The following SLC27A2 variants were observed in gnomAD, a reference collection of about 807,000 sequenced individuals.
SLC27A2 encodes the protein solute carrier family 27 member 2.
In SLC27A2, 54 loss-of-function variants were observed where a neutral mutation model predicts 60.0. The observed-to-expected ratio is 0.90, with a 90% CI of 0.72 to 1.13. The LOEUF is 1.13. Ranked by LOEUF, SLC27A2 falls within the 50% of genes most tolerant of loss-of-function variation. SLC27A2 has a pLI of 0.00. For synonymous variants in SLC27A2, 297 were observed against 297.6 expected, an observed-to-expected ratio of 1.00 and a Z score of 0.02; for missense variants, 739 against 777.6, an observed-to-expected ratio of 0.95 and a Z score of 0.59.
chr15:50,208,057 T>C (rs1435764526), intron 4 of SLC27A2, among the ~76,000 whole-genome samples: 2 of 152,080 alleles, frequency 1.3e-5, no homozygotes, highest in Non-Finnish European at 2.9e-5. Flanking sequence ...GAATACGCTG[T>C]TGCTGGAGGG....
At chr15:50,195,905 A>C (rs1016592640) in intron 1 of SLC27A2, among the ~76,000 whole-genome samples, 3 of 149,416 alleles carry the variant, frequency 2.0e-5, no homozygotes, top group Non-Finnish European at 4.5e-5. Flanking sequence ...AATACAAAAA[A>C]TTAACTGGGC....
intron 1 of SLC27A2, among the ~76,000 whole-genome samples, chr15:50,195,191 G>A (rs1217658658): frequency 1.3e-5 from 2 of 152,056 alleles, no homozygotes; most frequent in Non-Finnish European, 2.9e-5. Context: ...GGTGGGCCAG[G>A]TGCTGTAGCT....
chr15:50,189,420 A>C (rs1163385679), intron 1 of SLC27A2, among the ~76,000 whole-genome samples: 1 of 152,130 alleles, frequency 6.6e-6, no homozygotes, highest in Non-Finnish European at 1.5e-5. Flanking sequence ...ACCCTGTACA[A>C]GGACAGAAAC....
intron 4 of SLC27A2, among the ~76,000 whole-genome samples, chr15:50,206,657 G>A (rs2045115294): frequency 6.6e-6 from 1 of 152,160 alleles, no homozygotes; most frequent in South Asian, 2.1e-4. Flanking sequence ...AAAGGTTTAT[G>A]TGATTATTGT....
intron 4 of SLC27A2, among the ~76,000 whole-genome samples, chr15:50,219,355 A>T (rs1340605372): frequency 6.6e-6 from 1 of 152,204 alleles, no homozygotes; most frequent in Non-Finnish European, 1.5e-5. Context: ...AGCATTGTTC[A>T]CTTAAGGGTC....
chr15:50,234,184 G>T (rs8039502), intron 9 of SLC27A2, among the ~76,000 whole-genome samples, 186 bp downstream of exon 9: 22,081 of 152,192 alleles, frequency 0.15, 1,656 homozygotes, highest in Middle Eastern at 0.18. Flanking sequence ...GGTGGCTCAT[G>T]CCTGTAATCC....
At chr15:50,202,742 G>A (rs2045075285) in intron 3 of SLC27A2, 97 bp downstream of exon 3, 19 of 1,262,236 alleles carry the variant, frequency 1.5e-5, no homozygotes, top group Non-Finnish European at 2.0e-5. Context: ...TGTCTGCTAG[G>A]AACAGTTTTC....
intron 4 of SLC27A2, among the ~76,000 whole-genome samples, chr15:50,218,430 C>A (rs1282164644): frequency 6.6e-6 from 1 of 151,970 alleles, no homozygotes; most frequent in African/African-American, 2.4e-5. Context: ...AGGAAAACAT[C>A]CGAGGGCTGG....
At chr15:50,183,994 C>CTTTTTTTT (rs577766814) in intron 1 of SLC27A2, among the ~76,000 whole-genome samples, 20,826 of 89,914 alleles carry the variant, frequency 0.23, 4,845 homozygotes, top group East Asian at 0.51. Context: ...TTTCCTACAT[C>CTTTTTTTT]TTTTTTTTTT....
At chr15:50,192,849 T>C (rs932119889) in intron 1 of SLC27A2, among the ~76,000 whole-genome samples, 2 of 151,004 alleles carry the variant, frequency 1.3e-5, no homozygotes, top group African/African-American at 4.9e-5. Flanking sequence ...CCTACCATTT[T>C]CCCCTCATTA....
chr15:50,217,822 G>A (rs2045210395), intron 4 of SLC27A2, among the ~76,000 whole-genome samples: 1 of 152,126 alleles, frequency 6.6e-6, no homozygotes. Flanking sequence ...TTGGGAGGCT[G>A]AGGTGGGCGG....
intron 4 of SLC27A2, among the ~76,000 whole-genome samples, chr15:50,210,798 C>G (rs1279320704): frequency 2.6e-5 from 4 of 152,200 alleles, no homozygotes; most frequent in Admixed American, 2.6e-4. Context: ...GTTGAGGGGG[C>G]ACGGTGGGAG....
Position 50,182,491 on chromosome 15 carries a change from TG to T in SLC27A2, c.65del (p.Cys22SerfsTer9). On this transcript the variant is annotated frameshift_variant, in exon 1 of 10. Coordinates refer to ENST00000267842, the MANE Select transcript of SLC27A2 (RefSeq NM_003645.4). LOFTEE classifies it high-confidence loss of function. The stretch of plus-strand genomic sequence containing the variant: ...GTTCCTGCCGCTCCTGGTGAACCTC[TG>T]CTGCCCATACTTCTTCCAGGACATA... ...LLFLPLLVNLCCPYFFQDIGY... is the reference protein window; with the variant it reads ...LLFLPLLVNLXCPYFFQDIGY... 6.2e-7 allele frequency: 1 copy of T among 1,611,272 alleles called. No individual in the cohort carries two copies. Among genetic ancestry groups the T allele is most frequent in the Non-Finnish European group, 8.5e-7 (1 of 1,178,896 alleles).
At chr15:50,192,269 C>G (rs74014933) in intron 1 of SLC27A2, among the ~76,000 whole-genome samples, 7,920 of 151,850 alleles carry the variant, frequency 0.052, 369 homozygotes, top group African/African-American at 0.13. Flanking sequence ...CCGCTGGAAA[C>G]TCAAGTCTGC....
intron 4 of SLC27A2, among the ~76,000 whole-genome samples, chr15:50,210,361 G>A (rs1000949038): frequency 1.1e-4 from 16 of 152,150 alleles, no homozygotes; most frequent in African/African-American, 3.6e-4. Flanking sequence ...CTCATCTCCC[G>A]AACACATACT....
chr15:50,227,657 A>G (rs2045287510), intron 7 of SLC27A2, among the ~76,000 whole-genome samples: 2 of 152,208 alleles, frequency 1.3e-5, no homozygotes, highest in African/African-American at 2.4e-5. Flanking sequence ...AGCACAAGGA[A>G]GTTTGGAAGT....
chr15:50,194,292 T>C (rs1246844025), intron 1 of SLC27A2, among the ~76,000 whole-genome samples: 3 of 152,122 alleles, frequency 2.0e-5, no homozygotes, highest in African/African-American at 7.2e-5. Flanking sequence ...CTACCTACAC[T>C]GAGTCTTGAA....
chr15:50,208,578 C>G (rs573648582), intron 4 of SLC27A2, among the ~76,000 whole-genome samples: 1 of 152,214 alleles, frequency 6.6e-6, no homozygotes, highest in East Asian at 1.9e-4. Flanking sequence ...ACTTTCCATG[C>G]CTAACAGTGT....
intron 3 of SLC27A2, among the ~76,000 whole-genome samples, chr15:50,204,449 C>G (rs913885071): frequency 6.7e-6 from 1 of 148,220 alleles, no homozygotes; most frequent in East Asian, 2.0e-4. Context: ...AGAGTGAGAC[C>G]CGGGCCAGGT....
Sources: allele counts gnomAD v4.1 joint callset (sites outside exome capture counted in the v4.1 genomes callset), GRCh38; gene constraint gnomAD v4.1.1; transcripts MANE v1.5; gene names NCBI Gene and HGNC (gene_info 2026-07-23, HGNC 2026-07-21).